CTNNA3: variants seen among roughly 807,000 people sequenced by gnomAD.
The protein encoded by CTNNA3 is catenin alpha-3.
Under a neutral mutation model 95.7 loss-of-function variants are expected in CTNNA3, and 76 were observed. The ratio of observed to expected loss-of-function variants is 0.79; its 90% CI spans 0.66 to 0.96. CTNNA3 has a LOEUF of 0.96. Ranked by LOEUF, CTNNA3 falls within the 40% of genes least tolerant of loss-of-function variation. The pLI is 0.00. For synonymous variants in CTNNA3, 431 were observed against 374.4 expected (o/e 1.15, Z -1.74); for missense variants, 1,191 against 1,089.8 (o/e 1.09, Z -1.31).
intron 13 of CTNNA3, among the ~76,000 whole-genome samples, chr10:66,262,929 G>T (rs1305518325): frequency 6.6e-6 from 1 of 151,830 alleles, no homozygotes; most frequent in Non-Finnish European, 1.5e-5. Flanking sequence ...GTGGAGGAAG[G>T]TTCATTAGCC....
chr10:66,054,595 A>G (rs2080035779), intron 15 of CTNNA3, among the ~76,000 whole-genome samples: 1 of 152,060 alleles, frequency 6.6e-6, no homozygotes, highest in Non-Finnish European at 1.5e-5. Flanking sequence ...TGAGTTGTTC[A>G]AGCTGCTTAT....
intron 15 of CTNNA3, among the ~76,000 whole-genome samples, chr10:66,006,393 A>G (rs1424727834): frequency 6.6e-6 from 1 of 152,018 alleles, no homozygotes; most frequent in Non-Finnish European, 1.5e-5. Context: ...CCCACACCCA[A>G]CAAACCAAAA....
intron 11 of CTNNA3, among the ~76,000 whole-genome samples, chr10:66,408,689 C>T (rs1564934859): frequency 6.6e-6 from 1 of 152,064 alleles, no homozygotes; most frequent in East Asian, 1.9e-4. Flanking sequence ...GTGAATATAG[C>T]CTTGGCAATC....
chr10:67,380,801 G>A (rs1411626480), intron 5 of CTNNA3, among the ~76,000 whole-genome samples: 2 of 152,126 alleles, frequency 1.3e-5, no homozygotes, highest in Non-Finnish European at 2.9e-5. Context: ...TATAAATGGA[G>A]CAAATTCCTT....
At chr10:67,140,034 A>G (rs1434975240) in intron 7 of CTNNA3, among the ~76,000 whole-genome samples, 2 of 152,210 alleles carry the variant, frequency 1.3e-5, no homozygotes, top group Admixed American at 6.5e-5. Flanking sequence ...GAAGTCTCCA[A>G]GTGAAAATAT....
intron 7 of CTNNA3, among the ~76,000 whole-genome samples, chr10:67,115,429 G>C (rs1351857631): frequency 6.6e-6 from 1 of 151,808 alleles, no homozygotes; most frequent in East Asian, 1.9e-4. Flanking sequence ...CATGGCACAT[G>C]TATACATATG....
intron 2 of CTNNA3, among the ~76,000 whole-genome samples, chr10:67,646,134 A>C (rs910697402): frequency 6.7e-6 from 1 of 149,916 alleles, no homozygotes; most frequent in African/African-American, 2.4e-5. Context: ...TTTTTTTGAC[A>C]TTCCAATTTT....
chr10:66,221,029 C>T (rs982098611), intron 13 of CTNNA3, among the ~76,000 whole-genome samples: 1 of 152,200 alleles, frequency 6.6e-6, no homozygotes, highest in South Asian at 2.1e-4. Context: ...CAGTATTTCC[C>T]TGCCCTCTGT....
chr10:66,336,339 G>A (rs2092395836), intron 12 of CTNNA3, among the ~76,000 whole-genome samples: 1 of 152,080 alleles, frequency 6.6e-6, no homozygotes, highest in African/African-American at 2.4e-5. Context: ...GGGAGCTGTA[G>A]ACTGGAGGTG....
At chr10:66,141,576 A>G (rs570989501) in intron 13 of CTNNA3, among the ~76,000 whole-genome samples, 14 of 152,186 alleles carry the variant, frequency 9.2e-5, no homozygotes, top group Non-Finnish European at 1.6e-4. Context: ...AGACAGATGT[A>G]TCTTAACTTG....
At chr10:66,706,376 G>A (rs1403839592) in intron 9 of CTNNA3, among the ~76,000 whole-genome samples, 1 of 146,476 alleles carries the variant, frequency 6.8e-6, no homozygotes, top group Non-Finnish European at 1.5e-5. Context: ...TTTTTAATTG[G>A]ACCATATGGC....
intron 7 of CTNNA3, among the ~76,000 whole-genome samples, chr10:66,946,895 A>G (rs1429190485): frequency 6.6e-6 from 1 of 152,164 alleles, no homozygotes; most frequent in Non-Finnish European, 1.5e-5. Flanking sequence ...GGAATTGCTA[A>G]TGAAAATTTT....
chr10:66,851,545 G>A (rs565881182), intron 7 of CTNNA3, among the ~76,000 whole-genome samples: 47 of 151,888 alleles, frequency 3.1e-4, no homozygotes, highest in African/African-American at 4.8e-4. Flanking sequence ...CACCATCCGC[G>A]TGGTGCTCTA....
intron 3 of CTNNA3, among the ~76,000 whole-genome samples, chr10:67,604,103 C>T (rs904661350): frequency 3.9e-5 from 6 of 152,122 alleles, no homozygotes; most frequent in African/African-American, 1.4e-4. Flanking sequence ...GCCTAGGATG[C>T]CTAGGTGTGT....
intron 15 of CTNNA3, among the ~76,000 whole-genome samples, chr10:66,066,547 G>C (rs2080317395): frequency 6.6e-6 from 1 of 152,074 alleles, no homozygotes; most frequent in Non-Finnish European, 1.5e-5. Flanking sequence ...ATATGAAGAG[G>C]AATAAGAAGA....
At chr10:67,404,191 G>C (rs1845043547) in intron 5 of CTNNA3, among the ~76,000 whole-genome samples, 1 of 152,060 alleles carries the variant, frequency 6.6e-6, no homozygotes. Flanking sequence ...TTTAGAACTG[G>C]ACTGAGGCTG....
At chr10:67,612,720 T>C (rs1843500639) in intron 2 of CTNNA3, among the ~76,000 whole-genome samples, 1 of 152,164 alleles carries the variant, frequency 6.6e-6, no homozygotes, top group Non-Finnish European at 1.5e-5. Flanking sequence ...ATCTGTATTT[T>C]TTACCTCAGT....
intron 7 of CTNNA3, among the ~76,000 whole-genome samples, chr10:66,975,274 A>G (rs932381040): frequency 6.6e-6 from 1 of 152,212 alleles, no homozygotes; most frequent in African/African-American, 2.4e-5. Flanking sequence ...TTCACATATA[A>G]TTAATAGTAA....
chr10:66,456,093 C>A (rs1451597832), intron 11 of CTNNA3, among the ~76,000 whole-genome samples: 1 of 152,144 alleles, frequency 6.6e-6, no homozygotes, highest in African/African-American at 2.4e-5. Flanking sequence ...TTGAAAGACT[C>A]AACATAGTAA....
Sources: allele counts gnomAD v4.1 joint callset (sites outside exome capture counted in the v4.1 genomes callset), GRCh38; gene constraint gnomAD v4.1.1; transcripts MANE v1.5; gene names NCBI Gene and HGNC (gene_info 2026-07-23, HGNC 2026-07-21).